Variants in ZMIZ1 observed in about 807,000 individuals in gnomAD.
ZMIZ1 encodes zinc finger MIZ domain-containing protein 1.
In ZMIZ1, 17 loss-of-function variants were observed where a neutral mutation model predicts 113.9. That is an observed-to-expected ratio of 0.15 (90% confidence interval 0.10 to 0.22). The LOEUF is 0.22. ZMIZ1 is among the 10% of genes least tolerant of loss of function. The pLI, the probability that ZMIZ1 is intolerant of heterozygous loss-of-function variation, is 1.00. For synonymous variants in ZMIZ1, 607 were observed against 603.1 expected (o/e 1.01, Z -0.09); for missense variants, 1,059 against 1,477.8 (o/e 0.72, Z 4.65).
intron 7 of ZMIZ1, among the ~76,000 whole-genome samples, chr10:79,274,066 C>T (rs571778317): frequency 6.5e-4 from 99 of 151,814 alleles, no homozygotes; most frequent in African/African-American, 2.3e-3. Context: ...CCTTTGGGGC[C>T]AGCTCTCTTA....
At chr10:79,166,361 C>T (rs1846348422) in intron 4 of ZMIZ1, among the ~76,000 whole-genome samples, 2 of 152,372 alleles carry the variant, frequency 1.3e-5, no homozygotes, top group South Asian at 4.1e-4. Flanking sequence ...ACATGCCACT[C>T]CCTCCCACCC....
chr10:79,140,305 T>C (rs1845201757), intron 3 of ZMIZ1, among the ~76,000 whole-genome samples: 1 of 152,212 alleles, frequency 6.6e-6, no homozygotes, highest in South Asian at 2.1e-4. Context: ...CTGTCAGCTC[T>C]GGGCAAGAAT....
chr10:79,307,181 C>A (rs1232117764), intron 22 of ZMIZ1, among the ~76,000 whole-genome samples: 1 of 152,154 alleles, frequency 6.6e-6, no homozygotes, highest in Non-Finnish European at 1.5e-5. Flanking sequence ...GCCCCCTCCT[C>A]CATAGCAGTA....
rs1491344227 is a variant in ZMIZ1 at position 79,218,605 on chromosome 10, GTC to G, written c.280+2333_280+2334del. 1.4e-3 allele frequency among the ~76,000 whole-genome samples: 199 copies of G among 142,536 alleles called. 2 individuals are homozygous for G. The South Asian group carries it at 0.033, about 24-fold the overall frequency. 93.5% of individuals were successfully genotyped at this position (142,536 alleles called of 152,430 possible). A position where few individuals can be genotyped will look rare whatever the true frequency, so the allele number is the denominator to read the frequency against. On this transcript the variant is annotated intron_variant, in intron 7 of 24. Coordinates refer to ENST00000334512, the MANE Select transcript of ZMIZ1 (RefSeq NM_020338.4). ...GAGGGGTGTGTGTGTGTGTGTGTGT[GTC>G]TGTCTGTCTGTCTGTGTAAGCTCAA...
chr10:79,176,530 C>G (rs1846875915), intron 4 of ZMIZ1, among the ~76,000 whole-genome samples: 1 of 152,064 alleles, frequency 6.6e-6, no homozygotes, highest in South Asian at 2.1e-4. Context: ...CTCCTGGTGC[C>G]AAGGCACAGC....
intron 3 of ZMIZ1, among the ~76,000 whole-genome samples, chr10:79,142,937 G>A (rs1845335830): frequency 6.6e-6 from 1 of 152,068 alleles, no homozygotes; most frequent in Non-Finnish European, 1.5e-5. Flanking sequence ...CCTAAAAGAT[G>A]TGAACCTTCC....
chr10:79,257,806 C>T (rs920631866), intron 7 of ZMIZ1, among the ~76,000 whole-genome samples: 3 of 152,168 alleles, frequency 2.0e-5, no homozygotes, highest in African/African-American at 4.8e-5. Flanking sequence ...TGGTTTGCAC[C>T]GTCTTTAACT....
intron 4 of ZMIZ1, among the ~76,000 whole-genome samples, chr10:79,193,468 G>C (rs954977914): frequency 6.6e-6 from 1 of 152,142 alleles, no homozygotes; most frequent in Admixed American, 6.5e-5. Context: ...TGGGTGATGG[G>C]TTTTTCAGCT....
intron 3 of ZMIZ1, among the ~76,000 whole-genome samples, chr10:79,158,391 C>T (rs1325195519): frequency 1.3e-5 from 2 of 152,186 alleles, no homozygotes; most frequent in East Asian, 3.9e-4. Context: ...TCGGCCCCTG[C>T]TTAGAGAGGA....
chr10:79,292,946 C>A, intron 11 of ZMIZ1: 5 of 461,470 alleles, frequency 1.1e-5, no homozygotes, highest in South Asian at 4.8e-5. Flanking sequence ...GGTGTGCCTC[C>A]ACTGGCCCAG....
chr10:79,309,591 C>T (rs1288745939), intron 23 of ZMIZ1, among the ~76,000 whole-genome samples: 1 of 152,180 alleles, frequency 6.6e-6, no homozygotes, highest in Non-Finnish European at 1.5e-5. Context: ...GGGTTGGGGC[C>T]CTACACCCTG....
intron 2 of ZMIZ1, among the ~76,000 whole-genome samples, chr10:79,130,328 C>T (rs963908067): frequency 2.6e-5 from 4 of 152,220 alleles, no homozygotes; most frequent in Non-Finnish European, 4.4e-5. Context: ...TTGTGCCCTC[C>T]ACCCTCCAAC....
chr10:79,148,209 C>G (rs1845571331), intron 3 of ZMIZ1, among the ~76,000 whole-genome samples: 1 of 152,224 alleles, frequency 6.6e-6, no homozygotes, highest in Non-Finnish European at 1.5e-5. Flanking sequence ...AAAGATACAT[C>G]CCTCACCCTG....
chr10:79,145,899 G>T (rs1482076052), intron 3 of ZMIZ1, among the ~76,000 whole-genome samples: 4 of 152,142 alleles, frequency 2.6e-5, no homozygotes, highest in African/African-American at 9.7e-5. Context: ...TTAGAGACAA[G>T]GTCTCACTAT....
At chr10:79,169,180 G>T (rs1007516344) in intron 4 of ZMIZ1, among the ~76,000 whole-genome samples, 1 of 152,166 alleles carries the variant, frequency 6.6e-6, no homozygotes, top group Non-Finnish European at 1.5e-5. Context: ...GGCATGAGAC[G>T]GCCCTCGCCC....
chr10:79,156,687 C>CGACAGGATGATTGAACCA (rs1412096851), intron 3 of ZMIZ1, among the ~76,000 whole-genome samples: 4 of 152,190 alleles, frequency 2.6e-5, no homozygotes, highest in Admixed American at 2.6e-4. Context: ...AGGTAAAGAT[C>CGACAGGATGATTGAACCA]GACAGGATGA....
At chr10:79,277,150 G>A in intron 7 of ZMIZ1, 31 bp from the exon 8 acceptor site, 1 of 1,477,860 alleles carries the variant, frequency 6.8e-7, no homozygotes, top group Non-Finnish European at 9.0e-7. Context: ...TGATGAACAA[G>A]CACCCACTGA....
intron 2 of ZMIZ1, among the ~76,000 whole-genome samples, chr10:79,132,704 G>C (rs1844822808): frequency 6.6e-6 from 1 of 152,214 alleles, no homozygotes; most frequent in South Asian, 2.1e-4. Flanking sequence ...GTTTGGGTCT[G>C]GGAGAAGGCG....
chr10:79,212,760 A>G (rs1848576109), intron 6 of ZMIZ1, among the ~76,000 whole-genome samples: 1 of 151,962 alleles, frequency 6.6e-6, no homozygotes, highest in African/African-American at 2.4e-5. Flanking sequence ...TGTCTCAAAA[A>G]AAAAAAAAAG....
Sources: gnomAD v4.1 joint callset for allele counts (sites outside exome capture counted in the v4.1 genomes callset) on GRCh38, gnomAD v4.1.1 for gene constraint, MANE v1.5 for transcripts, NCBI Gene and HGNC (gene_info 2026-07-23, HGNC 2026-07-21) for gene names.